C6orf52: variants seen among roughly 807,000 people sequenced by gnomAD.
C6orf52 encodes the protein chromosome 6 open reading frame 52, also known as putative uncharacterized protein C6orf52.
Under a neutral mutation model 16.6 loss-of-function variants are expected in C6orf52, and 16 were observed. The observed-to-expected ratio is 0.96, with a 90% CI of 0.65 to 1.46. The LOEUF is 1.46. Ranked by LOEUF, C6orf52 falls within the 40% of genes most tolerant of loss-of-function variation. C6orf52 has a pLI of 0.00. For missense variants in C6orf52, 166 were observed against 182.3 expected, an observed-to-expected ratio of 0.91 and a Z score of 0.52; for synonymous variants, 53 against 61.4, an observed-to-expected ratio of 0.86 and a Z score of 0.64.
rs147911254 is a variant in C6orf52 at position 10,687,653 on chromosome 6, C to T, written c.-11-92G>A. On this transcript the variant is annotated intron_variant, in intron 1 of 4. Coordinates refer to ENST00000259983, the MANE Select transcript of C6orf52 (RefSeq NM_001145020.3). ...CCTCTCAATCCTGACAAATAAGTCT[C>T]GCAACTACATCTGAGATAATTACAT... 1.8e-4 allele frequency: 135 copies of T among 746,446 alleles called. No homozygotes were observed. In the African/African-American group the frequency reaches 2.0e-3, roughly 11 times the overall value. 46.2% of individuals were successfully genotyped at this position (746,446 alleles called of 1,614,324 possible). A position where few individuals can be genotyped will look rare whatever the true frequency, so the allele number is the denominator to read the frequency against.
At chr6:10,672,308 A>C (rs1384211197) in intron 4 of C6orf52, among the ~76,000 whole-genome samples, 1 of 152,148 alleles carries the variant, frequency 6.6e-6, no homozygotes, top group Middle Eastern at 3.2e-3. Context: ...TAGTTCCTTG[A>C]GGATCATAAT....
chr6:10,676,639 C>T (rs758988684), intron 4 of C6orf52, among the ~76,000 whole-genome samples: 2 of 152,224 alleles, frequency 1.3e-5, no homozygotes, highest in Non-Finnish European at 2.9e-5. Context: ...AACCAGCCTT[C>T]GCCTGGCATC....
chr6:10,688,091 G>A (rs963906717), intron 1 of C6orf52, among the ~76,000 whole-genome samples: 11 of 151,862 alleles, frequency 7.2e-5, no homozygotes, highest in Non-Finnish European at 1.2e-4. Context: ...AAATTAAGAG[G>A]CAGAGAAGAA....
intron 4 of C6orf52, chr6:10,672,632 C>T (rs552068650): frequency 7.7e-5 from 53 of 690,084 alleles, no homozygotes; most frequent in East Asian, 1.9e-4. Flanking sequence ...CATACTGAGA[C>T]GTCACTACAA....
In C6orf52 at chr6:10,694,038, T is replaced by A. The variant is rs1312887850; in HGVS notation, c.-12+456A>T. ...ACTTTGGGAGGTCGAGGCAAGCGGATCACCTGCGGTCGGGAGTTCAAAACC... is the reference window on the plus strand; with the variant it reads ...ACTTTGGGAGGTCGAGGCAAGCGGAACACCTGCGGTCGGGAGTTCAAAACC... On this transcript the variant is annotated intron_variant, in intron 1 of 4. Coordinates refer to ENST00000259983, the MANE Select transcript of C6orf52 (RefSeq NM_001145020.3). 2.0e-5 allele frequency among the ~76,000 whole-genome samples: 3 copies of A among 152,216 alleles called. No individual in the cohort carries two copies. The East Asian group carries it at 5.8e-4, about 29-fold the overall frequency.
chr6:10,685,187 A>C (rs1262150069), intron 3 of C6orf52, among the ~76,000 whole-genome samples: 3 of 151,710 alleles, frequency 2.0e-5, no homozygotes, highest in Non-Finnish European at 4.4e-5. Flanking sequence ...TAGAGATATA[A>C]GGGTAACCAC....
intron 3 of C6orf52, chr6:10,684,982 G>T: frequency 1.0e-6 from 1 of 979,156 alleles, no homozygotes; most frequent in Non-Finnish European, 1.3e-6. Flanking sequence ...GCATGTTATA[G>T]TAATAATTCG....
chr6:10,681,994 G>A (rs1423350407), intron 4 of C6orf52, among the ~76,000 whole-genome samples: 1 of 152,202 alleles, frequency 6.6e-6, no homozygotes, highest in Non-Finnish European at 1.5e-5. Flanking sequence ...GGAAGAATGA[G>A]GAGGAGTCAC....
In C6orf52 at chr6:10,671,602, C is replaced by T; in HGVS notation, c.317-4G>A. 4 of 1,529,928 alleles carry T rather than the reference C, an allele frequency of 2.6e-6. No individual in the cohort carries two copies. Among genetic ancestry groups the T allele is most frequent in the Non-Finnish European group, 3.5e-6 (4 of 1,135,614 alleles). 94.8% of individuals were successfully genotyped at this position (1,529,928 alleles called of 1,614,324 possible). A position where few individuals can be genotyped will look rare whatever the true frequency, so the allele number is the denominator to read the frequency against. Reference sequence around the variant, plus strand: ...ATATTCAAATGAAGATGTGGATCTGCAGAAGCCAATAATGGATATGAAAAA... The same window carrying T: ...ATATTCAAATGAAGATGTGGATCTGTAGAAGCCAATAATGGATATGAAAAA... On this transcript the variant is annotated splice_region_variant and splice_polypyrimidine_tract_variant and intron_variant, in intron 4 of 4. Coordinates refer to ENST00000259983, the MANE Select transcript of C6orf52 (RefSeq NM_001145020.3).
At chr6:10,676,755 T>G (rs1247620012) in intron 4 of C6orf52, among the ~76,000 whole-genome samples, 1 of 152,140 alleles carries the variant, frequency 6.6e-6, no homozygotes, top group East Asian at 1.9e-4. Context: ...CAGGCCTACT[T>G]TTCCTTTTCG....
chr6:10,681,902 A>G (rs1189961074), intron 4 of C6orf52, among the ~76,000 whole-genome samples: 2 of 152,216 alleles, frequency 1.3e-5, no homozygotes, highest in Non-Finnish European at 2.9e-5. Flanking sequence ...CCCACGGTGA[A>G]AAATTCCATC....
rs372284036 is a variant in C6orf52 at position 10,683,172 on chromosome 6, C to T, written c.316+15G>A. On this transcript the variant is annotated intron_variant, in intron 4 of 4. Transcript: ENST00000259983. ...GGTTTTGTTTCCAACCACTTCAGCA[C>T]AAGGTTTATGTTACCTTCTAGTGGG... 49 of 1,525,968 alleles carry T rather than the reference C, an allele frequency of 3.2e-5. No individual in the cohort carries two copies. The African/African-American group carries it at 5.3e-4, about 16-fold the overall frequency. 94.5% of individuals were successfully genotyped at this position (1,525,968 alleles called of 1,614,324 possible).
chr6:10,673,393 A>C (rs953987059), intron 4 of C6orf52, among the ~76,000 whole-genome samples: 1 of 152,150 alleles, frequency 6.6e-6, no homozygotes, highest in Non-Finnish European at 1.5e-5. Flanking sequence ...TCATCCCTAA[A>C]CCTGTGAATC....
rs192999783 is a variant in C6orf52 at position 10,679,784 on chromosome 6, C to A, written c.316+3403G>T. Among the ~76,000 whole-genome samples the A allele has an allele frequency of 2.6e-5, 4 of 152,238 alleles. No individual in the cohort carries two copies. The East Asian group carries it at 7.7e-4, about 29-fold the overall frequency. ...AAGTAGTGAAAGTGGGCATCCTTAT[C>A]TGGTTTCAGATCTTAGAGGAAAAGC... On this transcript the variant is annotated intron_variant, in intron 4 of 4. Coordinates refer to ENST00000259983, the MANE Select transcript of C6orf52 (RefSeq NM_001145020.3).
intron 4 of C6orf52, 101 bp from the exon 5 acceptor site, chr6:10,671,699 G>A (rs551279979): frequency 1.5e-6 from 1 of 666,698 alleles, no homozygotes; most frequent in South Asian, 2.6e-5. Context: ...TTTGCAGGAA[G>A]TACTGCAGAT....
At chr6:10,691,311 G>A (rs1165491788) in intron 1 of C6orf52, among the ~76,000 whole-genome samples, 1 of 152,142 alleles carries the variant, frequency 6.6e-6, no homozygotes, top group African/African-American at 2.4e-5. Context: ...CAACAACCAA[G>A]CTCCCCAAGT....
rs976201357 is a variant in C6orf52 at position 10,683,191 on chromosome 6, T to C, written c.312A>G (p.Leu104=). The change falls in exon 4 of 5, where the codon CTA becomes CTG. Residue 104 remains leucine (L), a synonymous_variant. Transcript: ENST00000259983. Reference sequence around the variant, plus strand: ...TCAGCACAAGGTTTATGTTACCTTCTAGTGGGTCTTCATCTTGGTTTTCAG... The same window carrying C: ...TCAGCACAAGGTTTATGTTACCTTCCAGTGGGTCTTCATCTTGGTTTTCAG... ...PLAENQDEDP[L]EDPHLHLNIE... 1.3e-6 allele frequency: 2 copies of C among 1,544,686 alleles called. No homozygotes were observed. Among genetic ancestry groups the C allele is most frequent in the South Asian group, 1.2e-5 (1 of 83,060 alleles).
chr6:10,687,383 T>TA (rs144292063), intron 2 of C6orf52, 97 bp downstream of exon 2: 15,982 of 816,626 alleles, frequency 0.02, 59 homozygotes, highest in East Asian at 0.051. Context: ...CCCAGAACTT[T>TA]AAAAAAAAAA....
At chr6:10,673,325 C>T in intron 4 of C6orf52, among the ~76,000 whole-genome samples, 1 of 152,222 alleles carries the variant, frequency 6.6e-6, no homozygotes, top group Non-Finnish European at 1.5e-5. Flanking sequence ...GATCTCTGCC[C>T]TTCCAGTGAT....
Sources: allele counts gnomAD v4.1 joint callset (sites outside exome capture counted in the v4.1 genomes callset), GRCh38; gene constraint gnomAD v4.1.1; transcripts MANE v1.5; gene names NCBI Gene and HGNC (gene_info 2026-07-23, HGNC 2026-07-21).